Variants in DRC11 observed in about 807,000 individuals in gnomAD.
The protein encoded by DRC11 is dynein regulatory complex subunit 11.
At chr2:236,425,314 A>C in the DRC11 span, among the ~76,000 whole-genome samples, 1 of 151,972 alleles carries the variant, frequency 6.6e-6, no homozygotes, top group East Asian at 1.9e-4. Context: ...CATCCTTGCC[A>C]ACATTTGTTG....
the DRC11 span, among the ~76,000 whole-genome samples, chr2:236,347,855 CA>C: frequency 8.7e-3 from 1,235 of 141,568 alleles, 25 homozygotes; most frequent in East Asian, 0.096. Flanking sequence ...TAACTTACGG[CA>C]AAAAAAAAAA....
the DRC11 span, among the ~76,000 whole-genome samples, chr2:236,467,226 G>C: frequency 6.6e-6 from 1 of 152,116 alleles, no homozygotes. Context: ...AACTCTTCAA[G>C]TTTTCTTTCT....
chr2:236,460,356 T>C, the DRC11 span, among the ~76,000 whole-genome samples: 3 of 152,154 alleles, frequency 2.0e-5, no homozygotes, highest in African/African-American at 7.2e-5. The surrounding 1 kb of genome is among the most constrained non-coding windows in gnomAD (Gnocchi z 4.0). Flanking sequence ...ACGGAGAGCG[T>C]GCTCCCAGGA....
chr2:236,368,333 T>C, the DRC11 span: 2 of 1,313,492 alleles, frequency 1.5e-6, no homozygotes, highest in African/African-American at 2.9e-5. Flanking sequence ...GAACAATAAA[T>C]GGAAAACAGC....
At chr2:236,406,885 A>G in the DRC11 span, among the ~76,000 whole-genome samples, 4 of 151,904 alleles carry the variant, frequency 2.6e-5, no homozygotes, top group East Asian at 7.8e-4. The surrounding 1 kb of genome is among the most constrained non-coding windows in gnomAD (Gnocchi z 4.7). Context: ...AGCTGGGACT[A>G]CAGGCGCCCA....
At chr2:236,492,692 A>C in the DRC11 span, among the ~76,000 whole-genome samples, 6 of 152,220 alleles carry the variant, frequency 3.9e-5, no homozygotes, top group Non-Finnish European at 7.3e-5. Context: ...ATGTATAGGC[A>C]GATCTGCCAT....
the DRC11 span, among the ~76,000 whole-genome samples, chr2:236,370,513 T>TG: frequency 1.3e-5 from 2 of 152,092 alleles, no homozygotes; most frequent in Admixed American, 6.5e-5. The surrounding 1 kb of genome is among the most constrained non-coding windows in gnomAD (Gnocchi z 5.5). Context: ...CCTGGAGGTC[T>TG]GGGGGGCCTT....
At chr2:236,441,255 C>T in the DRC11 span, 3 of 658,978 alleles carry the variant, frequency 4.6e-6, no homozygotes, top group Admixed American at 7.4e-5. Flanking sequence ...AGATCAAGGG[C>T]TGGGCATGGT....
the DRC11 span, among the ~76,000 whole-genome samples, chr2:236,314,303 C>T: frequency 2.0e-5 from 3 of 152,138 alleles, no homozygotes; most frequent in Admixed American, 2.0e-4. The surrounding 1 kb of genome is among the most constrained non-coding windows in gnomAD (Gnocchi z 4.5). Context: ...AAGTCCACAA[C>T]CATACATGAT....
At chr2:236,346,660 A>G in the DRC11 span, 59,314 of 168,974 alleles carry the variant, frequency 0.35, 10,758 homozygotes, top group Non-Finnish European at 0.4. Context: ...GGGCAGGAGA[A>G]GGCTCCTTCC....
chr2:236,394,287 A>G, the DRC11 span, among the ~76,000 whole-genome samples: 5 of 152,310 alleles, frequency 3.3e-5, no homozygotes, highest in South Asian at 1.0e-3. This position sits in a 1 kb window ranked among gnomAD's most constrained non-coding sequence, Gnocchi z 7.0. Flanking sequence ...GACCCTCAGG[A>G]CAGGACACCT....
the DRC11 span, among the ~76,000 whole-genome samples, chr2:236,319,109 C>T: frequency 6.6e-6 from 1 of 152,344 alleles, no homozygotes; most frequent in Non-Finnish European, 1.5e-5. This position sits in a 1 kb window ranked among gnomAD's most constrained non-coding sequence, Gnocchi z 6.7. Flanking sequence ...GACCCTTCTG[C>T]CATGCCCCTC....
At chr2:236,488,301 G>A in the DRC11 span, 15 of 699,140 alleles carry the variant, frequency 2.1e-5, no homozygotes, top group Admixed American at 1.1e-4. Flanking sequence ...GGGTCCCCAC[G>A]GCTGATCATG....
At chr2:236,307,739 G>T in the DRC11 span, among the ~76,000 whole-genome samples, 4 of 152,154 alleles carry the variant, frequency 2.6e-5, no homozygotes, top group African/African-American at 9.7e-5. The surrounding 1 kb of genome is among the most constrained non-coding windows in gnomAD (Gnocchi z 7.0). Flanking sequence ...TGAGGGTGTG[G>T]AATTAAAATC....
chr2:236,322,229 CTTTTTTTT>C, the DRC11 span, among the ~76,000 whole-genome samples: 2 of 98,542 alleles, frequency 2.0e-5, no homozygotes, highest in East Asian at 2.8e-4. Flanking sequence ...TTTCTTTCCT[CTTTTTTTT>C]TTTTTTTTTT....
the DRC11 span, chr2:236,380,637 C>T: frequency 4.5e-6 from 7 of 1,547,784 alleles, no homozygotes; most frequent in Non-Finnish European, 6.1e-6. This position sits in a 1 kb window ranked among gnomAD's most constrained non-coding sequence, Gnocchi z 4.9. Flanking sequence ...TTCCTTTCTT[C>T]TTTGGAAAAA....
At chr2:236,402,038 G>C in the DRC11 span, among the ~76,000 whole-genome samples, 1 of 152,214 alleles carries the variant, frequency 6.6e-6, no homozygotes. The surrounding 1 kb of genome is among the most constrained non-coding windows in gnomAD (Gnocchi z 6.0). Flanking sequence ...AAAGAGGCTG[G>C]GTGTGGAGCC....
the DRC11 span, among the ~76,000 whole-genome samples, chr2:236,414,743 A>C: frequency 1.3e-5 from 2 of 152,226 alleles, no homozygotes; most frequent in Non-Finnish European, 2.9e-5. Context: ...ATGGATCCAA[A>C]TAAGGAACTG....
the DRC11 span, among the ~76,000 whole-genome samples, chr2:236,491,029 G>GTGTATATATATATATAGTATATATATATA: frequency 7.4e-6 from 1 of 135,716 alleles, no homozygotes; most frequent in Non-Finnish European, 1.5e-5. Context: ...ATATATATGT[G>GTGTATATATATATATAGTATATATATATA]TGTATATATA....
Sources: gnomAD v4.1 joint callset for allele counts (sites outside exome capture counted in the v4.1 genomes callset) on GRCh38, gnomAD v4.1.1 for gene constraint, Gnocchi (gnomAD v3.1) non-coding constraint, MANE v1.5 for transcripts, NCBI Gene and HGNC (gene_info 2026-07-23, HGNC 2026-07-21) for gene names.